CNTNAP4: variants seen among roughly 807,000 people sequenced by gnomAD.
CNTNAP4 encodes the protein contactin associated protein family member 4.
A neutral mutation model predicts 148.4 loss-of-function variants in CNTNAP4; 98 were observed. The ratio of observed to expected loss-of-function variants is 0.66; its 90% CI spans 0.56 to 0.78. The LOEUF (loss-of-function observed/expected upper bound fraction) is 0.78. Among genes scored for constraint, CNTNAP4 ranks in the 30% least tolerant of loss-of-function variants. The probability of loss-of-function intolerance (pLI) is 0.00; values close to 1 mark genes in which losing one functional copy is unlikely to be tolerated. For missense variants in CNTNAP4, 1,935 were observed against 1,565.6 expected (o/e 1.24, Z -3.98); for synonymous variants, 730 against 565.1 (o/e 1.29, Z -4.14).
chr16:76,442,597 T>A (rs984192290), intron 4 of CNTNAP4, among the ~76,000 whole-genome samples: 1 of 152,096 alleles, frequency 6.6e-6, no homozygotes, highest in Admixed American at 6.6e-5. Flanking sequence ...TCAAAAGGGA[T>A]GTGGAAAAGT....
intron 3 of CNTNAP4, among the ~76,000 whole-genome samples, chr16:76,367,656 C>G (rs2014306219): frequency 6.6e-6 from 1 of 152,184 alleles, no homozygotes; most frequent in African/African-American, 2.4e-5. Flanking sequence ...TGCACAGCAA[C>G]AGCATAATAG....
intron 1 of CNTNAP4, among the ~76,000 whole-genome samples, chr16:76,288,503 C>G (rs573954316): frequency 2.0e-5 from 3 of 152,116 alleles, no homozygotes; most frequent in Non-Finnish European, 4.4e-5. Flanking sequence ...AATGTCTACC[C>G]AAAACAAGCC....
chr16:76,336,389 A>G (rs1046765289), intron 2 of CNTNAP4, among the ~76,000 whole-genome samples: 7 of 152,098 alleles, frequency 4.6e-5, no homozygotes, highest in African/African-American at 1.7e-4. Context: ...AATCTTCCAC[A>G]GAAGGAGCAT....
chr16:76,329,300 A>C (rs1456813244), intron 2 of CNTNAP4, among the ~76,000 whole-genome samples: 1 of 152,246 alleles, frequency 6.6e-6, no homozygotes, highest in African/African-American at 2.4e-5. Flanking sequence ...TCAAAGCCTC[A>C]GTGGAGCTTG....
chr16:76,498,070 A>G (rs1230822570), intron 14 of CNTNAP4, among the ~76,000 whole-genome samples: 1 of 152,198 alleles, frequency 6.6e-6, no homozygotes, highest in East Asian at 1.9e-4. Flanking sequence ...TCTCTATTAC[A>G]TATTTTCTAC....
At chr16:76,362,502 A>C (rs1188447128) in intron 3 of CNTNAP4, among the ~76,000 whole-genome samples, 2 of 152,202 alleles carry the variant, frequency 1.3e-5, no homozygotes. Flanking sequence ...GAGACATCAC[A>C]CATCTGATTT....
At chr16:76,325,011 A>G (rs1193658824) in intron 2 of CNTNAP4, among the ~76,000 whole-genome samples, 2 of 152,186 alleles carry the variant, frequency 1.3e-5, no homozygotes, top group African/African-American at 4.8e-5. Context: ...ACTACTTGAC[A>G]TACCTGAGAG....
intron 7 of CNTNAP4, among the ~76,000 whole-genome samples, chr16:76,451,867 A>G (rs2080495650): frequency 6.6e-6 from 1 of 152,170 alleles, no homozygotes; most frequent in South Asian, 2.1e-4. Flanking sequence ...ATTTCAAAAT[A>G]GCTACAAGAT....
chr16:76,473,597 C>A (rs943660646), intron 10 of CNTNAP4, among the ~76,000 whole-genome samples: 4 of 151,994 alleles, frequency 2.6e-5, no homozygotes, highest in African/African-American at 7.2e-5. Flanking sequence ...CATGGTGAAG[C>A]CCCGTCTCTA....
intron 2 of CNTNAP4, among the ~76,000 whole-genome samples, chr16:76,344,616 A>G (rs1964756405): frequency 6.6e-6 from 1 of 152,210 alleles, no homozygotes; most frequent in African/African-American, 2.4e-5. Flanking sequence ...TAGTTGAGGA[A>G]TAACACAAAA....
At position 76,495,056 on chromosome 16, in the gene CNTNAP4, C is replaced by T. The variant is rs528691365; in HGVS notation, c.2227C>T (p.Arg743Trp). ...SQYYCNCDAD[R>W]NEWTNDTGLL... ...GTATTACTGCAATTGTGATGCTGAC[C>T]GGAATGAATGGTGATTTCCATATGA... Residue 743 changes from arginine to tryptophan, a missense_variant, in exon 14 of 24, where the codon CGG becomes TGG. By Grantham distance (101) the Arg-to-Trp change is moderately radical (BLOSUM62 -3). Transcript: ENST00000611870. 30 of 1,612,290 alleles carry T rather than the reference C, an allele frequency of 1.9e-5. No homozygotes were observed. Among genetic ancestry groups the T allele is most frequent in the Admixed American group, 3.3e-5 (2 of 59,862 alleles).
At chr16:76,455,882 T>G (rs1439355840) in intron 8 of CNTNAP4, among the ~76,000 whole-genome samples, 1 of 152,224 alleles carries the variant, frequency 6.6e-6, no homozygotes, top group African/African-American at 2.4e-5. Context: ...CTCTCATGTT[T>G]CTGATGCAAT....
intron 3 of CNTNAP4, among the ~76,000 whole-genome samples, chr16:76,384,264 G>T (rs969849879): frequency 3.3e-5 from 5 of 152,002 alleles, no homozygotes; most frequent in Admixed American, 1.3e-4. Flanking sequence ...GGTTGGTCTT[G>T]AAATCCTGAC....
chr16:76,423,037 C>T (rs1403222732), intron 3 of CNTNAP4, among the ~76,000 whole-genome samples: 3 of 152,094 alleles, frequency 2.0e-5, no homozygotes, highest in African/African-American at 7.2e-5. Context: ...AGCTCATTCA[C>T]CGTTCCACGA....
At chr16:76,489,515 A>G (rs1219182780) in intron 12 of CNTNAP4, among the ~76,000 whole-genome samples, 171 bp from the exon 13 acceptor site, 2 of 152,226 alleles carry the variant, frequency 1.3e-5, no homozygotes, top group Non-Finnish European at 1.5e-5. Context: ...ATCACTTACC[A>G]TAACTTAAAA....
In CNTNAP4 at chr16:76,401,179, G is replaced by T. The variant is rs142751484; in HGVS notation, c.391-26273G>T. Among the ~76,000 whole-genome samples the T allele has an allele frequency of 2.8e-3, 432 of 152,186 alleles. 3 individuals carry two copies. The highest frequency in any genetic ancestry group is 0.01 in the African/African-American group (419 of 41,526). Reference sequence around the variant, plus strand: ...GTCTTCCTATCTATGAGCATGGAATGTTTTTCCATTTGTGCATGTCATTTC... The same window carrying T: ...GTCTTCCTATCTATGAGCATGGAATTTTTTTCCATTTGTGCATGTCATTTC... On this transcript the variant is annotated intron_variant, in intron 3 of 23. Coordinates refer to ENST00000611870, the MANE Select transcript of CNTNAP4 (RefSeq NM_033401.5).
intron 1 of CNTNAP4, among the ~76,000 whole-genome samples, chr16:76,314,526 G>C (rs1042835800): frequency 5.3e-5 from 8 of 152,164 alleles, no homozygotes; most frequent in African/African-American, 1.7e-4. Flanking sequence ...TGTGATAAAG[G>C]ATTAATTTTC....
chr16:76,316,719 A>G (rs566753745), intron 2 of CNTNAP4, among the ~76,000 whole-genome samples, 196 bp downstream of exon 2: 134 of 152,334 alleles, frequency 8.8e-4, no homozygotes, highest in Non-Finnish European at 1.7e-3. Context: ...CTATATTACG[A>G]AGAATTGAGT....
chr16:76,480,045 T>C (rs953367946), intron 12 of CNTNAP4, among the ~76,000 whole-genome samples: 71 of 152,170 alleles, frequency 4.7e-4, no homozygotes, highest in African/African-American at 1.4e-3. Flanking sequence ...TATATTAGTT[T>C]ATAGTGGAAT....
Sources: allele counts gnomAD v4.1 joint callset (sites outside exome capture counted in the v4.1 genomes callset), GRCh38; gene constraint gnomAD v4.1.1; transcripts MANE v1.5; gene names NCBI Gene and HGNC (gene_info 2026-07-23, HGNC 2026-07-21).